Variants in ABCB11 observed in about 807,000 individuals in gnomAD.
The protein encoded by ABCB11 is bile salt export pump.
Under a neutral mutation model 148.0 loss-of-function variants are expected in ABCB11, and 95 were observed. That is an observed-to-expected ratio of 0.64 (90% CI 0.54 to 0.76). The LOEUF (loss-of-function observed/expected upper bound fraction) is 0.76, where lower values mean the gene tolerates loss of function less well. Ranked by LOEUF, ABCB11 falls within the 30% of genes least tolerant of loss-of-function variation. The pLI, the probability that ABCB11 is intolerant of heterozygous loss-of-function variation, is 0.00. For synonymous variants in ABCB11, 591 were observed against 555.4 expected (o/e 1.06, Z -0.90); for missense variants, 1,523 against 1,617.8 (o/e 0.94, Z 1.01).
rs570458780 is a variant in ABCB11, at chr2:168,922,100, T to C, written c.*1522A>G. Among the ~76,000 whole-genome samples the C allele has an allele frequency of 9.9e-5, 15 of 152,200 alleles. No homozygotes were observed. The highest frequency in any genetic ancestry group is 4.1e-4 in the South Asian group (2 of 4,826). ...TCTCGACCTCATGATCCGCCCGCCT[T>C]GGCCTCCCAAAGTGCTGGGATTACA... On this transcript the variant is annotated 3_prime_UTR_variant, in exon 28 of 28. Transcript: ENST00000650372.
intron 19 of ABCB11, among the ~76,000 whole-genome samples, chr2:168,946,101 G>A (rs1448105882): frequency 1.3e-5 from 2 of 151,890 alleles, no homozygotes; most frequent in Non-Finnish European, 2.9e-5. Context: ...CAATGACATT[G>A]CCTTGTGGTG....
At chr2:168,942,443 G>T (rs1203631178) in intron 21 of ABCB11, among the ~76,000 whole-genome samples, 1 of 151,644 alleles carries the variant, frequency 6.6e-6, no homozygotes, top group South Asian at 2.1e-4. Context: ...AAAAATTAGT[G>T]TGCAGGGATT....
Position 168,927,181 on chromosome 2 carries a change from T to C in ABCB11, c.3593A>G (p.His1198Arg). 1 of 1,613,866 alleles carries C rather than the reference T, an allele frequency of 6.2e-7. No individual in the cohort carries two copies. Among genetic ancestry groups the C allele is most frequent in the Non-Finnish European group, 8.5e-7 (1 of 1,179,766 alleles). Residue 1198 changes from histidine to arginine, a missense_variant, in exon 26 of 28, where the codon CAT becomes CGT. By Grantham distance (29) the His-to-Arg change is conservative (BLOSUM62 0). Coordinates refer to ENST00000650372, the MANE Select transcript of ABCB11 (RefSeq NM_003742.4). Reference sequence around the variant, plus strand: ...CTCTGGGAGTGACATGACAAAATCATGCAGCTGAGCCTGTTTTGCAGCTGC... The same window carrying C: ...CTCTGGGAGTGACATGACAAAATCACGCAGCTGAGCCTGTTTTGCAGCTGC... The part of the protein sequence containing the change: ...VIAAAKQAQL[H>R]DFVMSLPEKY...
At chr2:168,940,887 A>C (rs1692032390) in intron 21 of ABCB11, among the ~76,000 whole-genome samples, 1 of 152,160 alleles carries the variant, frequency 6.6e-6, no homozygotes, top group African/African-American at 2.4e-5. Flanking sequence ...TGTTCTATAA[A>C]TAGAATAATA....
Position 168,944,117 on chromosome 2 carries a change from G to A in ABCB11, c.2610+488C>T, listed in dbSNP as rs566535947. On this transcript the variant is annotated intron_variant, in intron 21 of 27. Transcript: ENST00000650372. ...ACCTTAATCAGAAAGTCAGCTCTTC[G>A]ACGCCTTCAAGATTCTAGATAAAAA... Among the ~76,000 whole-genome samples the A allele has an allele frequency of 2.2e-4, 33 of 151,998 alleles. No individual in the cohort carries two copies. The South Asian group carries it at 4.8e-3, about 22-fold the overall frequency.
At chr2:168,990,448 G>T (rs2106004022) in intron 9 of ABCB11, among the ~76,000 whole-genome samples, 2 of 152,166 alleles carry the variant, frequency 1.3e-5, no homozygotes, top group South Asian at 4.1e-4. Flanking sequence ...GGTATCAGTT[G>T]TAATGTCTCA....
chr2:168,984,180 C>G (rs915497693), intron 10 of ABCB11, among the ~76,000 whole-genome samples: 3 of 152,216 alleles, frequency 2.0e-5, no homozygotes, highest in South Asian at 4.1e-4. Flanking sequence ...GGATAAGAAG[C>G]CTTCCTGGAC....
chr2:168,988,952 A>G (rs751861946), intron 9 of ABCB11, among the ~76,000 whole-genome samples: 19 of 152,122 alleles, frequency 1.2e-4, no homozygotes, highest in Non-Finnish European at 2.2e-4. Flanking sequence ...ATGTCTATTC[A>G]GGTCTTTTGA....
chr2:168,923,742 G>A lies in ABCB11; in HGVS notation c.3846C>T (p.Asn1282=), dbSNP rs369538863. The change falls in exon 28 of 28, where the codon AAC becomes AAT. Residue 1282 remains asparagine, a synonymous_variant. Coordinates refer to ENST00000650372, the MANE Select transcript of ABCB11 (RefSeq NM_003742.4). Reference sequence around the variant, plus strand: ...GTGCCATGACAGCAATGATATCCGCGTTCTGGATGGTGGACAAGCGATGGG... The same window carrying A: ...GTGCCATGACAGCAATGATATCCGCATTCTGGATGGTGGACAAGCGATGGG... The part of the protein sequence containing the change: ...VIAHRLSTIQ[N]ADIIAVMAQG... The A allele has an allele frequency of 1.2e-4, 191 of 1,613,756 alleles. 1 individual carries two copies. The highest frequency in any genetic ancestry group is 7.2e-4 in the African/African-American group (54 of 74,932).
Position 168,986,362 on chromosome 2 carries a change from T to A in ABCB11, c.909-78A>T, listed in dbSNP as rs1694325828. The A allele has an allele frequency of 4.1e-5, 51 of 1,240,230 alleles. 1 individual carries two copies. The South Asian group carries it at 5.9e-4, about 14-fold the overall frequency. 76.8% of individuals were successfully genotyped at this position (1,240,230 alleles called of 1,614,324 possible). A position where few individuals can be genotyped will look rare whatever the true frequency, so the allele number is the denominator to read the frequency against. ...ATGTTTAAAACAGGCCGTGATGCAG[T>A]GGTTTTACAAAATGATCATAAAATC... On this transcript the variant is annotated intron_variant, in intron 9 of 27. Transcript: ENST00000650372.
At chr2:168,952,350 C>T (rs1692602852) in intron 19 of ABCB11, among the ~76,000 whole-genome samples, 1 of 151,282 alleles carries the variant, frequency 6.6e-6, no homozygotes, top group Non-Finnish European at 1.5e-5. Flanking sequence ...CCTTCTGGTC[C>T]TGGGCTTTTA....
chr2:168,967,454 T>C (rs1445963208), intron 17 of ABCB11, among the ~76,000 whole-genome samples: 1 of 151,926 alleles, frequency 6.6e-6, no homozygotes, highest in Non-Finnish European at 1.5e-5. Context: ...ACACTACTTT[T>C]TGTGAGCTAT....
At chr2:168,978,480 C>G (rs1694012104) in intron 11 of ABCB11, among the ~76,000 whole-genome samples, 1 of 151,882 alleles carries the variant, frequency 6.6e-6, no homozygotes, top group African/African-American at 2.4e-5. Context: ...TCTCTGTACT[C>G]CAATATATGA....
At chr2:168,963,432 T>G (rs559843698) in intron 18 of ABCB11, among the ~76,000 whole-genome samples, 1 of 151,662 alleles carries the variant, frequency 6.6e-6, no homozygotes, top group African/African-American at 2.4e-5. Flanking sequence ...GGTAGGGGAA[T>G]GAACGTAAAA....
intron 19 of ABCB11, among the ~76,000 whole-genome samples, chr2:168,949,425 C>T (rs1316011360): frequency 6.6e-6 from 1 of 151,558 alleles, no homozygotes; most frequent in Non-Finnish European, 1.5e-5. Context: ...CATTGTTTAG[C>T]TCTCACTTTT....
rs199967668 is a variant in ABCB11 at position 168,944,799 on chromosome 2, T to C, written c.2449-33A>G. The C allele has an allele frequency of 4.8e-5, 78 of 1,609,620 alleles. No individual in the cohort carries two copies. In the Admixed American group the frequency reaches 1.2e-3, roughly 25 times the overall value. On this transcript the variant is annotated intron_variant, in intron 20 of 27. Transcript: ENST00000650372. ...ATGAAGAGGGAGATGTTAGAGAAAT[T>C]TTAATGAGAAAAAAGGAAAAATAAC...
intron 1 of ABCB11, among the ~76,000 whole-genome samples, chr2:169,028,612 C>T (rs73024760): frequency 0.05 from 7,534 of 152,110 alleles, 216 homozygotes; most frequent in East Asian, 0.063. Context: ...TCCTTCAGGG[C>T]CTCATGATCC....
At chr2:168,969,288 G>T in intron 16 of ABCB11, 62 bp downstream of exon 16, 1 of 1,452,218 alleles carries the variant, frequency 6.9e-7, no homozygotes, top group Non-Finnish European at 9.5e-7. Flanking sequence ...ATAGAAAACC[G>T]TAAAGCACTA....
chr2:168,958,538 G>A (rs755224298), intron 18 of ABCB11, among the ~76,000 whole-genome samples: 1 of 151,640 alleles, frequency 6.6e-6, no homozygotes, highest in African/African-American at 2.4e-5. Flanking sequence ...CTATAATATA[G>A]TAACTGGCTA....
Sources: allele counts gnomAD v4.1 joint callset (sites outside exome capture counted in the v4.1 genomes callset), GRCh38; gene constraint gnomAD v4.1.1; transcripts MANE v1.5; gene names NCBI Gene and HGNC (gene_info 2026-07-23, HGNC 2026-07-21).